The following KCNIP4 variants were observed in gnomAD, a reference collection of about 807,000 sequenced individuals.
KCNIP4 encodes potassium voltage-gated channel interacting protein 4.
Under a neutral mutation model 34.0 loss-of-function variants are expected in KCNIP4, and 12 were observed. That is an observed-to-expected ratio of 0.35 (90% CI 0.23 to 0.57). KCNIP4 has a LOEUF of 0.57. KCNIP4 is among the 20% of genes least tolerant of loss of function. The pLI, the probability that KCNIP4 is intolerant of heterozygous loss-of-function variation, is 0.83. For synonymous variants in KCNIP4, 124 were observed against 102.2 expected (o/e 1.21, Z -1.29); for missense variants, 238 against 311.7 (o/e 0.76, Z 1.78).
chr4:21,669,895 A>C (rs553101053), intron 1 of KCNIP4, among the ~76,000 whole-genome samples: 305 of 152,270 alleles, frequency 2.0e-3, no homozygotes, highest in Admixed American at 4.1e-3. Context: ...TTGGGAGAAG[A>C]TGGAAATTTT....
At chr4:20,835,906 G>A (rs28649264) in intron 3 of KCNIP4, among the ~76,000 whole-genome samples, 3,036 of 152,110 alleles carry the variant, frequency 0.02, 85 homozygotes, top group African/African-American at 0.062. Context: ...GTCAAATTCT[G>A]TCATTTTTAT....
chr4:21,125,643 C>A (rs1368641), intron 1 of KCNIP4, among the ~76,000 whole-genome samples: 78,567 of 151,974 alleles, frequency 0.52, 21,625 homozygotes, highest in African/African-American at 0.71. Flanking sequence ...GGAACCAGTG[C>A]AACACAGTAA....
At chr4:21,129,411 T>C (rs572935883) in intron 1 of KCNIP4, among the ~76,000 whole-genome samples, 37 of 152,222 alleles carry the variant, frequency 2.4e-4, no homozygotes, top group Non-Finnish European at 4.7e-4. Context: ...GAGAAAACTT[T>C]GGTTCAGAAG....
chr4:21,064,140 C>T (rs1744151424), intron 1 of KCNIP4, among the ~76,000 whole-genome samples: 1 of 152,070 alleles, frequency 6.6e-6, no homozygotes, highest in Admixed American at 6.6e-5. Context: ...ATACTGACAG[C>T]CTTTCACTGG....
chr4:21,056,149 G>A (rs551121794), intron 1 of KCNIP4, among the ~76,000 whole-genome samples: 5 of 152,148 alleles, frequency 3.3e-5, no homozygotes, highest in East Asian at 3.9e-4. Flanking sequence ...AAGACAAAAC[G>A]TACATTTGTT....
intron 1 of KCNIP4, among the ~76,000 whole-genome samples, chr4:21,814,586 A>G (rs1721878273): frequency 1.3e-5 from 2 of 152,126 alleles, no homozygotes; most frequent in South Asian, 4.1e-4. Context: ...ACCCAGTCTC[A>G]GGTACATCTT....
chr4:20,736,867 A>G (rs1749747871), intron 5 of KCNIP4, among the ~76,000 whole-genome samples: 1 of 152,198 alleles, frequency 6.6e-6, no homozygotes, highest in Admixed American at 6.5e-5. Context: ...AAGAAAGAAA[A>G]ACAAACTTGG....
At chr4:21,015,923 T>C (rs908724911) in intron 1 of KCNIP4, among the ~76,000 whole-genome samples, 1 of 143,570 alleles carries the variant, frequency 7.0e-6, no homozygotes, top group Non-Finnish European at 1.5e-5. Context: ...TATATAAATA[T>C]ATATAAATTT....
In KCNIP4 at chr4:21,798,903, C is replaced by G. The variant is rs373269353; in HGVS notation, c.61+149668G>C. Among the ~76,000 whole-genome samples the G allele has an allele frequency of 2.5e-3, 380 of 152,140 alleles. 6 individuals are homozygous for G. The highest frequency in any genetic ancestry group is 0.019 in the South Asian group (92 of 4,816). Reference sequence around the variant, plus strand: ...GGCTTATATATTTGGTGTATCAATACTTTTCACCCATATATAATAAAATTC... The same window carrying G: ...GGCTTATATATTTGGTGTATCAATAGTTTTCACCCATATATAATAAAATTC... On this transcript the variant is annotated intron_variant, in intron 1 of 8. Transcript: ENST00000382152.
chr4:20,900,890 T>C (rs1194694679), intron 1 of KCNIP4, among the ~76,000 whole-genome samples: 1 of 152,184 alleles, frequency 6.6e-6, no homozygotes, highest in Non-Finnish European at 1.5e-5. Context: ...TAAAATTTCA[T>C]AGGAAGCTTT....
chr4:21,099,357 C>A (rs1260529602), intron 1 of KCNIP4, among the ~76,000 whole-genome samples: 1 of 152,118 alleles, frequency 6.6e-6, no homozygotes, highest in Non-Finnish European at 1.5e-5. Flanking sequence ...CAAACTAATG[C>A]AGGAACAGAA....
chr4:21,088,616 C>A (rs571730917), intron 1 of KCNIP4, among the ~76,000 whole-genome samples: 2 of 152,280 alleles, frequency 1.3e-5, no homozygotes, highest in South Asian at 4.2e-4. Flanking sequence ...TGTGTTCCAG[C>A]CCAACTAACC....
chr4:21,317,638 G>A (rs1713923899), intron 1 of KCNIP4, among the ~76,000 whole-genome samples: 1 of 152,146 alleles, frequency 6.6e-6, no homozygotes, highest in African/African-American at 2.4e-5. Context: ...AATGGTGCTG[G>A]CCTTGCAGAA....
rs62296198 is a variant in KCNIP4 at position 20,957,910 on chromosome 4, C to A, written c.62-75201G>T. Among the ~76,000 whole-genome samples, 886 of 152,296 alleles carry A rather than the reference C, an allele frequency of 5.8e-3. 3 individuals carry two copies. Among genetic ancestry groups the A allele is most frequent in the Non-Finnish European group, 9.1e-3 (621 of 68,026 alleles). ...TATTCTCTGCTTTCTGGCCTCACATCCCTTCAGAGGTGCAGGCTTGATACA... is the reference window on the plus strand; with the variant it reads ...TATTCTCTGCTTTCTGGCCTCACATACCTTCAGAGGTGCAGGCTTGATACA... On this transcript the variant is annotated intron_variant, in intron 1 of 8. Transcript: ENST00000382152.
At chr4:21,923,633 T>C (rs1178124425) in intron 1 of KCNIP4, among the ~76,000 whole-genome samples, 4 of 152,064 alleles carry the variant, frequency 2.6e-5, no homozygotes, top group Admixed American at 2.6e-4. Context: ...AATATTCAAA[T>C]GCTACAAGTT....
chr4:21,295,855 C>T (rs551857548), intron 1 of KCNIP4, among the ~76,000 whole-genome samples: 9 of 152,180 alleles, frequency 5.9e-5, no homozygotes, highest in African/African-American at 1.7e-4. Flanking sequence ...TCAAACTCTG[C>T]AACTGTGTTC....
At chr4:21,874,116 T>C (rs907788) in intron 1 of KCNIP4, among the ~76,000 whole-genome samples, 149,169 of 152,338 alleles carry the variant, frequency 0.98, 73,115 homozygotes, top group East Asian at 1. Flanking sequence ...AAGGGGGCAC[T>C]TAACCATATC....
At chr4:20,933,259 T>TA (rs1416699818) in intron 1 of KCNIP4, among the ~76,000 whole-genome samples, 1 of 151,698 alleles carries the variant, frequency 6.6e-6, no homozygotes, top group Admixed American at 6.6e-5. Flanking sequence ...AAAAAAAATA[T>TA]AAAAAAATAA....
chr4:21,487,248 G>C (rs358580), intron 1 of KCNIP4, among the ~76,000 whole-genome samples: 3 of 151,798 alleles, frequency 2.0e-5, no homozygotes, highest in African/African-American at 7.3e-5. Context: ...TGTTTTTTGA[G>C]ACCTCATTCG....
Sources: gnomAD v4.1 joint callset for allele counts (sites outside exome capture counted in the v4.1 genomes callset) on GRCh38, gnomAD v4.1.1 for gene constraint, MANE v1.5 for transcripts, NCBI Gene and HGNC (gene_info 2026-07-23, HGNC 2026-07-21) for gene names.